The following MET variants were observed in gnomAD, a reference collection of about 807,000 sequenced individuals.
MET encodes hepatocyte growth factor receptor.
In MET, 48 loss-of-function variants were observed where a neutral mutation model predicts 133.1. The ratio of observed to expected loss-of-function variants is 0.36; its 90% confidence interval spans 0.29 to 0.46. The LOEUF (loss-of-function observed/expected upper bound fraction) is 0.46. Among genes scored for constraint, MET ranks in the 20% least tolerant of loss-of-function variants. The pLI is 1.00. For synonymous variants in MET, 628 were observed against 616.5 expected (o/e 1.02, Z -0.28); for missense variants, 1,442 against 1,695.9 (o/e 0.85, Z 2.63).
In MET at chr7:116,778,812, C is replaced by G. The variant is rs367634278; in HGVS notation, c.3377C>G (p.Thr1126Ser). 6.2e-7 allele frequency: 1 copy of G among 1,614,038 alleles called. No individual in the cohort carries two copies. Among genetic ancestry groups the G allele is most frequent in the Non-Finnish European group, 8.5e-7 (1 of 1,179,958 alleles). Residue 1126 changes from threonine (T) to serine (S), a missense_variant, in exon 17 of 21, where the codon ACC becomes AGC. By Grantham distance (58) the Thr-to-Ser change is moderately conservative. Transcript: ENST00000397752. ...ATAGGAGAAGTTTCCCAATTTCTGA[C>G]CGAGGGAATCATCATGAAAGATTTT... ...TDIGEVSQFL[T>S]EGIIMKDFSH...
At chr7:116,775,951 T>A (rs919984435) in intron 15 of MET, among the ~76,000 whole-genome samples, 5 of 152,150 alleles carry the variant, frequency 3.3e-5, no homozygotes, top group Non-Finnish European at 1.5e-5. Flanking sequence ...GATAAATGAA[T>A]ATTTGTAATA....
intron 1 of MET, among the ~76,000 whole-genome samples, chr7:116,692,439 A>G (rs570259313): frequency 1.3e-5 from 2 of 152,308 alleles, no homozygotes; most frequent in East Asian, 3.9e-4. Context: ...TTTGAATGCA[A>G]TATACATTTT....
In MET at chr7:116,796,109, C is replaced by G. The variant is rs2117114049; in HGVS notation, c.4158C>G (p.Phe1386Leu). ...DDEVDTRPAS[F>L]WETS Reference sequence around the variant, plus strand: ...AGGTGGACACACGACCAGCCTCCTTCTGGGAGACATCATAGTGCTAGTACT... The same window carrying G: ...AGGTGGACACACGACCAGCCTCCTTGTGGGAGACATCATAGTGCTAGTACT... Residue 1386 changes from phenylalanine (F) to leucine (L), a missense_variant, in exon 21 of 21, where the codon TTC (phenylalanine) becomes TTG (leucine). Around this residue, in one of 6 missense-constraint regions of MET, gnomAD observed 94 missense variants for 109.5 expected, o/e 0.86. Transcript: ENST00000397752. 1 of 1,614,062 alleles carries G rather than the reference C, an allele frequency of 6.2e-7. No individual in the cohort carries two copies. Among genetic ancestry groups the G allele is most frequent in the Non-Finnish European group, 8.5e-7 (1 of 1,179,958 alleles).
chr7:116,746,502 T>G (rs1272196499), intron 5 of MET, among the ~76,000 whole-genome samples: 1 of 152,204 alleles, frequency 6.6e-6, no homozygotes, highest in Non-Finnish European at 1.5e-5. Context: ...GCAGCACTAT[T>G]CAGAATAGCA....
intron 1 of MET, among the ~76,000 whole-genome samples, chr7:116,683,085 T>A (rs1050772007): frequency 2.0e-5 from 3 of 152,204 alleles, no homozygotes; most frequent in African/African-American, 7.2e-5. Flanking sequence ...TTTAAAAAAA[T>A]TATATTTTAG....
chr7:116,780,948 C>T (rs1795137639), intron 17 of MET, among the ~76,000 whole-genome samples: 1 of 152,216 alleles, frequency 6.6e-6, no homozygotes, highest in Admixed American at 6.5e-5. Context: ...ACTGTCCCTC[C>T]CAAGGCTAGC....
chr7:116,736,977 G>A (rs1485918578), intron 3 of MET, among the ~76,000 whole-genome samples: 1 of 152,210 alleles, frequency 6.6e-6, no homozygotes, highest in East Asian at 1.9e-4. Flanking sequence ...GAGAGTTAAA[G>A]TGGTTAATCG....
At chr7:116,747,722 C>A (rs1793746546) in intron 5 of MET, among the ~76,000 whole-genome samples, 1 of 152,120 alleles carries the variant, frequency 6.6e-6, no homozygotes. Flanking sequence ...ATCAAGGAGA[C>A]AGAAAGTTAA....
intron 5 of MET, among the ~76,000 whole-genome samples, chr7:116,744,225 T>A (rs1793570647): frequency 6.6e-6 from 1 of 151,728 alleles, no homozygotes; most frequent in African/African-American, 2.4e-5. Flanking sequence ...AGAATTTGGG[T>A]AATAACAAAC....
rs374081963 is a variant in MET at position 116,731,700 on chromosome 7, G to A, written c.1233G>A (p.Ala411=). Residue 411 remains alanine, a synonymous_variant, in exon 3 of 21, where the codon GCG becomes GCA. Transcript: ENST00000397752. Reference sequence around the variant, plus strand: ...TGAGAAATTCATCAGGCTGTGAAGCGCGCCGTGATGAATATCGAACAGAGT... The same window carrying A: ...TGAGAAATTCATCAGGCTGTGAAGCACGCCGTGATGAATATCGAACAGAGT... ...TLLRNSSGCE[A]RRDEYRTEFT... is the part of the protein sequence containing the mutation. The A allele has an allele frequency of 3.6e-5, 58 of 1,614,064 alleles. No homozygotes were observed. Among genetic ancestry groups the A allele is most frequent in the African/African-American group, 2.8e-4 (21 of 75,040 alleles).
intron 19 of MET, among the ~76,000 whole-genome samples, chr7:116,790,003 T>A (rs781129270): frequency 1.3e-5 from 2 of 152,158 alleles, no homozygotes; most frequent in Non-Finnish European, 2.9e-5. Flanking sequence ...CCCTTCCCTG[T>A]GTTCATGTGC....
chr7:116,691,580 C>T (rs918435800), intron 1 of MET, among the ~76,000 whole-genome samples: 1 of 152,158 alleles, frequency 6.6e-6, no homozygotes, highest in Non-Finnish European at 1.5e-5. Context: ...TAGCTTAAGA[C>T]ATGGCTGGAT....
chr7:116,765,482 A>G (rs1421461518), intron 11 of MET, among the ~76,000 whole-genome samples: 1 of 151,888 alleles, frequency 6.6e-6, no homozygotes, highest in Non-Finnish European at 1.5e-5. Context: ...CCCTCAATTC[A>G]TAGTAAGCCC....
chr7:116,685,635 A>G (rs890569259), intron 1 of MET, among the ~76,000 whole-genome samples: 6 of 152,036 alleles, frequency 3.9e-5, no homozygotes, highest in Non-Finnish European at 8.8e-5. Context: ...GCAGTTAGCC[A>G]ACACCACATC....
In MET at chr7:116,739,993, T is replaced by C. The variant is rs1793380587; in HGVS notation, c.1436T>C (p.Phe479Ser). The change falls in exon 4 of 21, where the codon TTT (phenylalanine) becomes TCT (serine). Residue 479 changes from phenylalanine (F) to serine (S), a missense_variant. Phe to Ser is a radical substitution (Grantham distance 155). Around this residue, in one of 6 missense-constraint regions of MET, gnomAD observed 762 missense variants for 792.4 expected, o/e 0.96. Transcript: ENST00000397752. ...GGACCATCAACCCCTCATGTGAATT[T>C]TCTCCTGGACTCCCATCCAGTGTCT... ...RSGPSTPHVN[F>S]LLDSHPVSPE... 1.9e-6 allele frequency: 3 copies of C among 1,614,178 alleles called. No individual in the cohort carries two copies. Among genetic ancestry groups the C allele is most frequent in the South Asian group, 1.1e-5 (1 of 91,080 alleles).
At chr7:116,722,441 C>A (rs1238960135) in intron 2 of MET, among the ~76,000 whole-genome samples, 7 of 151,010 alleles carry the variant, frequency 4.6e-5, no homozygotes, top group East Asian at 1.9e-4. Flanking sequence ...ATCCAATTTG[C>A]CAGTCTGTGT....
intron 3 of MET, among the ~76,000 whole-genome samples, chr7:116,735,778 GC>G (rs1793188122): frequency 8.0e-6 from 1 of 125,540 alleles, no homozygotes; most frequent in Non-Finnish European, 1.7e-5. Context: ...GTTAGCTTTG[GC>G]TTTTTTTTTT....
chr7:116,758,773 A>C (rs577594470), intron 9 of MET, among the ~76,000 whole-genome samples, 153 bp downstream of exon 9: 1 of 152,334 alleles, frequency 6.6e-6, no homozygotes, highest in African/African-American at 2.4e-5. Context: ...AGAAAACTAT[A>C]TTCAGGTTCT....
At chr7:116,718,382 C>G (rs1792328227) in intron 2 of MET, among the ~76,000 whole-genome samples, 1 of 151,684 alleles carries the variant, frequency 6.6e-6, no homozygotes, top group Non-Finnish European at 1.5e-5. Context: ...AGCTAGACTC[C>G]ATCTCAAAAT....
Sources: gnomAD v4.1 joint callset for allele counts (sites outside exome capture counted in the v4.1 genomes callset) on GRCh38, gnomAD v4.1.1 for gene constraint, gnomAD v4.1.1 regional missense constraint, MANE v1.5 for transcripts, NCBI Gene and HGNC (gene_info 2026-07-23, HGNC 2026-07-21) for gene names.